Variants in PLEKHA6 observed in about 807,000 individuals in gnomAD.
PLEKHA6 encodes the protein pleckstrin homology domain-containing family A member 6.
Under a neutral mutation model 116.7 loss-of-function variants are expected in PLEKHA6, and 60 were observed. The ratio of observed to expected loss-of-function variants is 0.51; its 90% CI spans 0.42 to 0.64. PLEKHA6 has a LOEUF of 0.64. Ranked by LOEUF, PLEKHA6 falls within the 30% of genes least tolerant of loss-of-function variation. The probability of loss-of-function intolerance (pLI) is 0.00; values close to 1 mark genes in which losing one functional copy is unlikely to be tolerated. For missense variants in PLEKHA6, 1,338 were observed against 1,422.7 expected (o/e 0.94, Z 0.96); for synonymous variants, 489 against 556.1 (o/e 0.88, Z 1.70).
Position 204,359,899 on chromosome 1 carries a change from G to A in PLEKHA6, c.-300C>T. The stretch of plus-strand genomic sequence containing the variant: ...GGCGCAGGGAGAGGATGCTGTTGTG[G>A]TTACTGCAGGATCCAGCATCTTTCC... On this transcript the variant is annotated 5_prime_UTR_variant, in exon 1 of 23. Coordinates refer to ENST00000272203, the MANE Select transcript of PLEKHA6 (RefSeq NM_014935.5). The A allele has an allele frequency of 6.4e-6, 1 of 155,872 alleles. No homozygotes were observed. Among genetic ancestry groups the A allele is most frequent in the Non-Finnish European group, 1.4e-5 (1 of 71,270 alleles). 9.7% of individuals were successfully genotyped at this position (155,872 alleles called of 1,614,324 possible).
chr1:204,236,182 C>A (rs1005836461), intron 17 of PLEKHA6, among the ~76,000 whole-genome samples: 8 of 152,180 alleles, frequency 5.3e-5, no homozygotes, highest in African/African-American at 1.4e-4. Context: ...GATTTGGACC[C>A]ACTAAGTAGG....
In PLEKHA6 at chr1:204,245,655, C is replaced by T; in HGVS notation, c.1992G>A (p.Lys664=). ...RIQDVMEGLR[K]NNPSRGTDTA... ...TGTCCGTGCCCCGGGAGGGGTTGTT[C>T]TTCCTCAGCCCCTCCATCACGTCCT... The change falls in exon 14 of 23, where the codon AAG becomes AAA. Residue 664 remains lysine, a synonymous_variant. Coordinates refer to ENST00000272203, the MANE Select transcript of PLEKHA6 (RefSeq NM_014935.5). The T allele has an allele frequency of 6.2e-7, 1 of 1,613,510 alleles. No individual in the cohort carries two copies. The highest frequency in any genetic ancestry group is 8.5e-7 in the Non-Finnish European group (1 of 1,179,586).
intron 1 of PLEKHA6, chr1:204,309,829 T>A: frequency 2.9e-6 from 1 of 339,480 alleles, no homozygotes; most frequent in Non-Finnish European, 4.2e-6. Flanking sequence ...GGGTTAGATA[T>A]ATATTTTTAG....
intron 21 of PLEKHA6, 120 bp downstream of exon 21, chr1:204,227,963 C>T (rs1660594831): frequency 7.9e-6 from 8 of 1,013,330 alleles, no homozygotes; most frequent in Non-Finnish European, 2.8e-6. Flanking sequence ...CCTCGAGGAG[C>T]ATCTCCTCAG....
intron 3 of PLEKHA6, 109 bp downstream of exon 3, chr1:204,273,517 T>C: frequency 1.3e-6 from 1 of 795,048 alleles, no homozygotes; most frequent in South Asian, 1.5e-5. Context: ...TCTTGGAGCC[T>C]GCAGAAATAG....
intron 9 of PLEKHA6, among the ~76,000 whole-genome samples, chr1:204,253,833 C>CAAAAAA (rs5780222): frequency 3.8e-5 from 5 of 131,948 alleles, no homozygotes; most frequent in East Asian, 2.3e-4. Context: ...GATCTTGTCT[C>CAAAAAA]AAAAAAAAAA....
chr1:204,359,957 T>TCCCCC (rs1436008237), upstream of PLEKHA6: 1 of 152,390 alleles, frequency 6.6e-6, no homozygotes, highest in East Asian at 1.9e-4. Flanking sequence ...CTCCATCGGC[T>TCCCCC]CCCCCGGGGA....
intron 1 of PLEKHA6, among the ~76,000 whole-genome samples, chr1:204,321,313 A>G (rs1017021734): frequency 1.3e-5 from 2 of 152,084 alleles, no homozygotes; most frequent in African/African-American, 4.8e-5. Flanking sequence ...GATGGGAGCA[A>G]GGAGAGGAAA....
At chr1:204,325,873 G>T in intron 1 of PLEKHA6, 1 of 980,720 alleles carries the variant, frequency 1.0e-6, no homozygotes, top group Non-Finnish European at 1.2e-6. Context: ...GGCAGCATGG[G>T]GAGAAGTAGT....
intron 1 of PLEKHA6, chr1:204,320,317 G>GAGGT (rs1274247120): frequency 1.2e-5 from 2 of 165,282 alleles, no homozygotes; most frequent in Admixed American, 1.3e-4. Context: ...CCCAACCCTC[G>GAGGT]AGGTAGGGGT....
chr1:204,269,983 T>G (rs940425615), intron 3 of PLEKHA6, among the ~76,000 whole-genome samples: 1 of 152,196 alleles, frequency 6.6e-6, no homozygotes, highest in African/African-American at 2.4e-5. Flanking sequence ...TACTTACTCT[T>G]CAGTCCTAGG....
intron 1 of PLEKHA6, chr1:204,309,151 C>T (rs1213541676): frequency 6.4e-6 from 4 of 621,150 alleles, no homozygotes; most frequent in East Asian, 1.4e-4. Flanking sequence ...AAATATTTGA[C>T]GTGCAGGCTG....
Position 204,314,194 on chromosome 1 carries a change from G to T in PLEKHA6, c.-94-39385C>A, listed in dbSNP as rs1219241235. The stretch of plus-strand genomic sequence containing the variant: ...ACAGGAAGCAAGGTGCCCTCAAACA[G>T]ATTGATAATAAGATGGCAGAGACAG... On this transcript the variant is annotated intron_variant, in intron 1 of 22. Coordinates refer to ENST00000272203, the MANE Select transcript of PLEKHA6 (RefSeq NM_014935.5). Among the ~76,000 whole-genome samples, 3 of 152,264 alleles carry T rather than the reference G, an allele frequency of 2.0e-5. No individual in the cohort carries two copies. The East Asian group carries it at 5.8e-4, about 29-fold the overall frequency.
intron 1 of PLEKHA6, among the ~76,000 whole-genome samples, chr1:204,359,327 T>C (rs530600359): frequency 2.0e-5 from 3 of 152,102 alleles, no homozygotes; most frequent in South Asian, 4.2e-4. Flanking sequence ...GCTGGCAAGA[T>C]TAAAGGGAGG....
At chr1:204,320,419 A>C (rs1672017907) in intron 1 of PLEKHA6, 1 of 863,238 alleles carries the variant, frequency 1.2e-6, no homozygotes, top group African/African-American at 1.8e-5. Context: ...CCATACTCGC[A>C]GCTCAGCTCC....
chr1:204,241,875 A>C, intron 15 of PLEKHA6, 61 bp from the exon 16 acceptor site: 3 of 1,573,638 alleles, frequency 1.9e-6, no homozygotes, highest in Non-Finnish European at 1.7e-6. Context: ...CTTGGCCCCC[A>C]GTGATGTTTC....
intron 21 of PLEKHA6, among the ~76,000 whole-genome samples, chr1:204,224,793 C>T (rs766720859): frequency 1.3e-5 from 2 of 152,216 alleles, no homozygotes; most frequent in Non-Finnish European, 2.9e-5. Context: ...CACTCACAAA[C>T]ACTTTCAAAC....
At chr1:204,294,636 T>G (rs930237326) in intron 1 of PLEKHA6, among the ~76,000 whole-genome samples, 1 of 152,222 alleles carries the variant, frequency 6.6e-6, no homozygotes, top group African/African-American at 2.4e-5. Flanking sequence ...CGCATTAGCC[T>G]TGAGATTTTT....
rs748222695 is a variant in PLEKHA6, at chr1:204,229,020, A to C, written c.2668T>G (p.Tyr890Asp). Residue 890 changes from tyrosine to aspartate, a missense_variant, in exon 19 of 23, where the codon TAC becomes GAC. Around this residue, in one of 3 missense-constraint regions of PLEKHA6, gnomAD observed 1,136 missense variants for 1,163.6 expected, o/e 0.98. Coordinates refer to ENST00000272203, the MANE Select transcript of PLEKHA6 (RefSeq NM_014935.5). ...LRAEEPGGHA[Y>D]ETPREEIARL... ...GCAATTTCCTCCCGGGGTGTCTCGT[A>C]GGCATGCCCGCCAGGCTCCTCTGCC... 8 of 1,614,014 alleles carry C rather than the reference A, an allele frequency of 5.0e-6. No homozygotes were observed. The highest frequency in any genetic ancestry group is 6.8e-6 in the Non-Finnish European group (8 of 1,180,012).
Sources: gnomAD v4.1 joint callset for allele counts (sites outside exome capture counted in the v4.1 genomes callset) on GRCh38, gnomAD v4.1.1 for gene constraint, gnomAD v4.1.1 regional missense constraint, MANE v1.5 for transcripts, NCBI Gene and HGNC (gene_info 2026-07-23, HGNC 2026-07-21) for gene names.